The following SBF2 variants were observed in gnomAD, a reference collection of about 807,000 sequenced individuals.
SBF2 encodes the protein myotubularin-related protein 13.
Under a neutral mutation model 225.2 loss-of-function variants are expected in SBF2, and 112 were observed. The observed-to-expected ratio is 0.50, with a 90% CI of 0.43 to 0.58. The LOEUF is 0.58. SBF2 is among the 20% of genes least tolerant of loss of function. SBF2 has a pLI of 0.00. For synonymous variants in SBF2, 763 were observed against 773.3 expected (o/e 0.99, Z 0.22); for missense variants, 1,996 against 2,206.2 (o/e 0.90, Z 1.91).
intron 1 of SBF2, among the ~76,000 whole-genome samples, chr11:10,222,586 GA>G (rs1958378860): frequency 6.6e-6 from 1 of 152,130 alleles, no homozygotes; most frequent in South Asian, 2.1e-4. Context: ...GAAGAACTGA[GA>G]AAAAGCAAAT....
intron 2 of SBF2, among the ~76,000 whole-genome samples, chr11:10,171,404 G>C (rs1398283817): frequency 6.6e-6 from 1 of 152,130 alleles, no homozygotes; most frequent in Non-Finnish European, 1.5e-5. Context: ...TGATCACACG[G>C]TTTTTGTACA....
chr11:9,909,301 AC>A (rs901198554), intron 16 of SBF2, among the ~76,000 whole-genome samples: 21 of 149,904 alleles, frequency 1.4e-4, no homozygotes, highest in African/African-American at 4.9e-4. Context: ...TTTTGTATTT[AC>A]CCCCATACTT....
At chr11:10,091,821 A>C (rs181041792) in intron 2 of SBF2, among the ~76,000 whole-genome samples, 73 of 152,284 alleles carry the variant, frequency 4.8e-4, no homozygotes, top group African/African-American at 1.7e-3. Context: ...GAAAGCACGA[A>C]CTGATCTAAA....
chr11:10,055,268 A>G (rs1299460801), intron 2 of SBF2, among the ~76,000 whole-genome samples: 1 of 152,096 alleles, frequency 6.6e-6, no homozygotes, highest in Non-Finnish European at 1.5e-5. Flanking sequence ...AAAAGGGAAC[A>G]CTTATATGCT....
rs1467099888 is a variant in SBF2, at chr11:9,839,584, T to C, written c.3369A>G (p.Leu1123=). ...ACFRDYQRLG[L]GTISGSSSRS... is the part of the protein sequence containing the mutation. ...GGGAAGAGCTGCCACTTATGGTTCC[T>C]AAACCTAAACGCTGATAGTCTCTGA... Residue 1123 remains leucine, a synonymous_variant, in exon 26 of 40, where the codon TTA becomes TTG. Transcript: ENST00000256190. The C allele has an allele frequency of 1.9e-6, 3 of 1,614,080 alleles. No individual in the cohort carries two copies. The highest frequency in any genetic ancestry group is 2.5e-6 in the Non-Finnish European group (3 of 1,180,042).
intron 2 of SBF2, among the ~76,000 whole-genome samples, chr11:10,130,564 A>G (rs1442193899): frequency 3.3e-5 from 5 of 152,180 alleles, no homozygotes; most frequent in African/African-American, 7.2e-5. Flanking sequence ...TCACATTGAT[A>G]CAATGTGTGT....
intron 2 of SBF2, among the ~76,000 whole-genome samples, chr11:10,144,121 T>G (rs766524542): frequency 5.9e-4 from 90 of 152,232 alleles, no homozygotes; most frequent in Admixed American, 1.0e-3. Flanking sequence ...CATTTACGCT[T>G]TGCATATTCA....
chr11:10,036,323 G>GC (rs1949437207), intron 3 of SBF2, among the ~76,000 whole-genome samples: 2 of 152,122 alleles, frequency 1.3e-5, no homozygotes, highest in Admixed American at 1.3e-4. Flanking sequence ...ATGACAGGTT[G>GC]ATGGGTGCAG....
chr11:10,267,104 A>AT (rs1962072359), intron 1 of SBF2, among the ~76,000 whole-genome samples: 1 of 152,052 alleles, frequency 6.6e-6, no homozygotes, highest in Admixed American at 6.6e-5. Context: ...AAATAAATTA[A>AT]ATTAAATTAA....
At chr11:9,995,464 C>A (rs1947650668) in intron 9 of SBF2, among the ~76,000 whole-genome samples, 1 of 152,136 alleles carries the variant, frequency 6.6e-6, no homozygotes, top group South Asian at 2.1e-4. Flanking sequence ...TACAAAATAT[C>A]TTAGTGTCTA....
chr11:10,184,705 C>A (rs976778932), intron 2 of SBF2, among the ~76,000 whole-genome samples: 1 of 152,098 alleles, frequency 6.6e-6, no homozygotes, highest in Admixed American at 6.5e-5. Flanking sequence ...TGAAATCACA[C>A]AGTATTTTGT....
intron 2 of SBF2, among the ~76,000 whole-genome samples, chr11:10,175,253 T>C (rs1285296698): frequency 6.6e-6 from 1 of 151,758 alleles, no homozygotes; most frequent in Non-Finnish European, 1.5e-5. Context: ...CAGTGTTCTG[T>C]ATTCAGGAAA....
At chr11:9,999,253 CACTT>C (rs1263299400) in intron 8 of SBF2, among the ~76,000 whole-genome samples, 1 of 152,006 alleles carries the variant, frequency 6.6e-6, no homozygotes, top group Non-Finnish European at 1.5e-5. Flanking sequence ...TATTTGGCAA[CACTT>C]GGTTGGTCCT....
intron 2 of SBF2, among the ~76,000 whole-genome samples, chr11:10,128,038 G>C (rs1227317120): frequency 2.6e-5 from 4 of 152,104 alleles, no homozygotes; most frequent in Non-Finnish European, 5.9e-5. Context: ...ACTCAATAAA[G>C]GTTAGCATTC....
At chr11:10,082,785 AG>A (rs1054618723) in intron 2 of SBF2, among the ~76,000 whole-genome samples, 3 of 152,158 alleles carry the variant, frequency 2.0e-5, no homozygotes, top group African/African-American at 7.2e-5. Flanking sequence ...ATCATACTGA[AG>A]GGGGAAAAAG....
chr11:10,220,334 G>T (rs967235511), intron 1 of SBF2, among the ~76,000 whole-genome samples: 1 of 152,116 alleles, frequency 6.6e-6, no homozygotes, highest in Non-Finnish European at 1.5e-5. Flanking sequence ...GGGACCCTCT[G>T]ATGACACACG....
intron 17 of SBF2, among the ~76,000 whole-genome samples, chr11:9,868,826 TG>T (rs1036179670): frequency 1.9e-4 from 29 of 152,196 alleles, no homozygotes; most frequent in African/African-American, 7.0e-4. Context: ...TCTAGATGCT[TG>T]ATCAGACTCA....
intron 16 of SBF2, among the ~76,000 whole-genome samples, chr11:9,947,761 T>A (rs1865647147): frequency 6.6e-6 from 1 of 151,390 alleles, no homozygotes; most frequent in Non-Finnish European, 1.5e-5. Flanking sequence ...TCACATACAT[T>A]AGGATGGCTA....
intron 16 of SBF2, among the ~76,000 whole-genome samples, chr11:9,915,401 C>A (rs1038673753): frequency 2.1e-5 from 3 of 144,768 alleles, no homozygotes; most frequent in African/African-American, 5.1e-5. Flanking sequence ...AAGCCGAGAT[C>A]GCGCCACTGT....
Sources: allele counts gnomAD v4.1 joint callset (sites outside exome capture counted in the v4.1 genomes callset), GRCh38; gene constraint gnomAD v4.1.1; transcripts MANE v1.5; gene names NCBI Gene and HGNC (gene_info 2026-07-23, HGNC 2026-07-21).